ADGRL3: variants seen among roughly 807,000 people sequenced by gnomAD.
ADGRL3 encodes adhesion G protein-coupled receptor L3, also known as calcium-independent alpha-latrotoxin receptor 3.
In ADGRL3, 62 loss-of-function variants were observed where a neutral mutation model predicts 153.5. The observed-to-expected ratio is 0.40, with a 90% CI of 0.33 to 0.50. ADGRL3 has a LOEUF of 0.50. Ranked by LOEUF, ADGRL3 falls within the 20% of genes least tolerant of loss-of-function variation. The pLI, the probability that ADGRL3 is intolerant of heterozygous loss-of-function variation, is 0.47. For missense variants in ADGRL3, 1,641 were observed against 1,859.4 expected, an observed-to-expected ratio of 0.88 and a Z score of 2.16; for synonymous variants, 710 against 672.5, an observed-to-expected ratio of 1.06 and a Z score of -0.86.
intron 6 of ADGRL3, among the ~76,000 whole-genome samples, chr4:61,705,107 T>C (rs1344786885): frequency 6.6e-6 from 1 of 152,186 alleles, no homozygotes; most frequent in Non-Finnish European, 1.5e-5. Flanking sequence ...TAATAGCATC[T>C]AGAATGGTGA....
chr4:61,799,525 TG>T (rs1387756327), intron 8 of ADGRL3, among the ~76,000 whole-genome samples: 1 of 152,132 alleles, frequency 6.6e-6, no homozygotes, highest in African/African-American at 2.4e-5. Flanking sequence ...AGCTTTTGTC[TG>T]GAGACCATGG....
At chr4:62,037,634 T>C (rs1725806227) in intron 23 of ADGRL3, 97 bp from the exon 24 acceptor site, 1 of 1,290,896 alleles carries the variant, frequency 7.7e-7, no homozygotes, top group South Asian at 1.2e-5. Flanking sequence ...AAGGAAATAA[T>C]TACATTATCT....
intron 1 of ADGRL3, among the ~76,000 whole-genome samples, chr4:61,326,304 C>T (rs1347945432): frequency 1.3e-5 from 2 of 152,000 alleles, no homozygotes; most frequent in Admixed American, 6.6e-5. Context: ...CACATCCTTT[C>T]AAATTTTCAG....
intron 2 of ADGRL3, among the ~76,000 whole-genome samples, chr4:61,393,924 T>C (rs1578617122): frequency 6.6e-6 from 1 of 152,134 alleles, no homozygotes; most frequent in East Asian, 1.9e-4. Flanking sequence ...ATTGGAAGTC[T>C]AGTTGGGGCT....
chr4:61,350,786 C>T (rs2096028936), intron 1 of ADGRL3, among the ~76,000 whole-genome samples: 1 of 152,096 alleles, frequency 6.6e-6, no homozygotes, highest in African/African-American at 2.4e-5. Flanking sequence ...TAAATGTATG[C>T]ATGTCCTGGC....
chr4:61,782,563 C>T (rs2097226124), intron 8 of ADGRL3, among the ~76,000 whole-genome samples: 1 of 152,060 alleles, frequency 6.6e-6, no homozygotes, highest in African/African-American at 2.4e-5. Context: ...TTTTAGAATG[C>T]TTTGGCTTTG....
At chr4:61,582,641 T>TA (rs2098930712) in intron 4 of ADGRL3, among the ~76,000 whole-genome samples, 1 of 149,796 alleles carries the variant, frequency 6.7e-6, no homozygotes, top group African/African-American at 2.5e-5. Context: ...GAGCAATGCA[T>TA]GAAAAAAAAA....
intron 8 of ADGRL3, among the ~76,000 whole-genome samples, chr4:61,739,307 C>CTT (rs33939282): frequency 1.4e-4 from 21 of 146,544 alleles, no homozygotes; most frequent in Admixed American, 4.7e-4. Context: ...CTACAAATTA[C>CTT]TTTTTTTTTT....
At chr4:61,761,127 A>T (rs2096907842) in intron 8 of ADGRL3, among the ~76,000 whole-genome samples, 5 of 152,194 alleles carry the variant, frequency 3.3e-5, no homozygotes. Flanking sequence ...GTTTGCAAAA[A>T]CATCTCAAAC....
At chr4:61,848,577 C>T (rs2098164933) in intron 9 of ADGRL3, among the ~76,000 whole-genome samples, 1 of 152,020 alleles carries the variant, frequency 6.6e-6, no homozygotes, top group Non-Finnish European at 1.5e-5. Flanking sequence ...AATAAGGTCA[C>T]ATTCACAGGT....
chr4:61,641,640 T>C (rs1176710941), intron 5 of ADGRL3, among the ~76,000 whole-genome samples: 3 of 152,032 alleles, frequency 2.0e-5, no homozygotes, highest in Non-Finnish European at 4.4e-5. Context: ...GGCTGCATAG[T>C]ATTCCATGGT....
intron 4 of ADGRL3, among the ~76,000 whole-genome samples, chr4:61,564,118 G>A (rs547159244): frequency 6.6e-6 from 1 of 152,216 alleles, no homozygotes; most frequent in East Asian, 1.9e-4. Context: ...ATTGAAAAGA[G>A]TAAGAGCTTT....
intron 4 of ADGRL3, among the ~76,000 whole-genome samples, chr4:61,518,640 G>T (rs1430881577): frequency 6.6e-6 from 1 of 152,166 alleles, no homozygotes; most frequent in African/African-American, 2.4e-5. Context: ...ATTCACCGTA[G>T]CTCTGTCTCC....
intron 19 of ADGRL3, among the ~76,000 whole-genome samples, chr4:61,988,736 A>T (rs944952757): frequency 3.9e-5 from 6 of 152,152 alleles, no homozygotes; most frequent in African/African-American, 9.6e-5. Flanking sequence ...GATTGGAAGA[A>T]GGAATTAGAA....
intron 1 of ADGRL3, among the ~76,000 whole-genome samples, chr4:61,374,357 ATAAG>A (rs2096578424): frequency 6.6e-6 from 1 of 152,172 alleles, no homozygotes; most frequent in South Asian, 2.1e-4. Flanking sequence ...GAAAGAAAGA[ATAAG>A]TAGGTCTTGA....
intron 23 of ADGRL3, among the ~76,000 whole-genome samples, chr4:62,036,793 T>G (rs1725243921): frequency 6.6e-6 from 1 of 152,020 alleles, no homozygotes; most frequent in African/African-American, 2.4e-5. Flanking sequence ...TATAAATTCC[T>G]GAACATATAA....
intron 6 of ADGRL3, among the ~76,000 whole-genome samples, chr4:61,690,576 A>G (rs1486627325): frequency 6.6e-6 from 1 of 152,154 alleles, no homozygotes; most frequent in Non-Finnish European, 1.5e-5. Context: ...TGTCTCCCAT[A>G]TTCACCTTAA....
At chr4:61,838,863 A>G (rs1189925942) in intron 9 of ADGRL3, among the ~76,000 whole-genome samples, 3 of 152,218 alleles carry the variant, frequency 2.0e-5, no homozygotes, top group Non-Finnish European at 1.5e-5. Flanking sequence ...CTATAAGTTA[A>G]CTTACATTCT....
intron 6 of ADGRL3, among the ~76,000 whole-genome samples, chr4:61,723,667 G>A (rs994036644): frequency 6.6e-6 from 1 of 152,112 alleles, no homozygotes; most frequent in South Asian, 2.1e-4. Flanking sequence ...GTTATCTAGA[G>A]GCAGCCATGA....
Sources: allele counts gnomAD v4.1 joint callset (sites outside exome capture counted in the v4.1 genomes callset), GRCh38; gene constraint gnomAD v4.1.1; transcripts MANE v1.5; gene names NCBI Gene and HGNC (gene_info 2026-07-23, HGNC 2026-07-21).